Variants in SENP6 observed in about 807,000 individuals in gnomAD.
SENP6 encodes sentrin-specific protease 6.
A neutral mutation model predicts 134.5 loss-of-function variants in SENP6; 41 were observed. That is an observed-to-expected ratio of 0.30 (90% CI 0.24 to 0.40). The LOEUF (loss-of-function observed/expected upper bound fraction) is 0.40, where lower values mean the gene tolerates loss of function less well. SENP6 is among the 10% of genes least tolerant of loss of function. The pLI is 1.00. For missense variants in SENP6, 1,248 were observed against 1,312.5 expected (o/e 0.95, Z 0.76); for synonymous variants, 395 against 429.8 (o/e 0.92, Z 1.00).
At chr6:75,637,232 T>C (rs538419583) in intron 5 of SENP6, among the ~76,000 whole-genome samples, 1 of 152,258 alleles carries the variant, frequency 6.6e-6, no homozygotes, top group African/African-American at 2.4e-5. Context: ...AATTCATACA[T>C]AGTGTATTCT....
chr6:75,625,334 T>C (rs902625161), intron 3 of SENP6, among the ~76,000 whole-genome samples: 1 of 151,944 alleles, frequency 6.6e-6, no homozygotes, highest in Non-Finnish European at 1.5e-5. Context: ...AGACTGGTCA[T>C]GAACTCCTGG....
chr6:75,659,249 C>T lies in SENP6; in HGVS notation c.551-13C>T, dbSNP rs1484902833. On this transcript the variant is annotated splice_polypyrimidine_tract_variant and intron_variant, in intron 7 of 23. Transcript: ENST00000447266. ...ACTAAAACTTAAAGTTTATTTTTTT[C>T]TCCTTCCTTTAGAACGTATAATGAA... The T allele has an allele frequency of 6.4e-7, 1 of 1,568,948 alleles. No homozygotes were observed. Among genetic ancestry groups the T allele is most frequent in the Admixed American group, 2.1e-5 (1 of 47,338 alleles).
chr6:75,640,816 T>C, intron 6 of SENP6, 112 bp downstream of exon 6: 1 of 621,004 alleles, frequency 1.6e-6, no homozygotes, highest in Non-Finnish European at 2.6e-6. Context: ...AAGCTTTTTT[T>C]AATTTTAAAG....
chr6:75,634,970 T>C (rs1282094379), intron 5 of SENP6, 159 bp downstream of exon 5: 1 of 685,510 alleles, frequency 1.5e-6, no homozygotes, highest in Admixed American at 2.1e-5. Context: ...AATTATACTA[T>C]TTTATATCTG....
At chr6:75,612,171 A>G (rs1767501344) in intron 1 of SENP6, among the ~76,000 whole-genome samples, 1 of 152,110 alleles carries the variant, frequency 6.6e-6, no homozygotes, top group Non-Finnish European at 1.5e-5. Flanking sequence ...TGCAGTCTAA[A>G]GACCTCTTCA....
rs911937390 is a variant in SENP6 at position 75,631,216 on chromosome 6, C to G, written c.208-2365C>G. Among the ~76,000 whole-genome samples, 3 of 152,228 alleles carry G rather than the reference C, an allele frequency of 2.0e-5. No individual in the cohort carries two copies. In the East Asian group the frequency reaches 5.8e-4, roughly 29 times the overall value. ...GGTTTCTATTAGGTTCTCTTATTAT[C>G]TGATATTCTTCGGTGCTAAACTTCC... On this transcript the variant is annotated intron_variant, in intron 3 of 23. Coordinates refer to ENST00000447266, the MANE Select transcript of SENP6 (RefSeq NM_015571.4).
rs1775983115 is a variant in SENP6, at chr6:75,715,565, GAAC to G, written c.3313_3315del (p.Gln1105del). 1.2e-6 allele frequency: 2 copies of G among 1,612,414 alleles called. No homozygotes were observed. Among genetic ancestry groups the G allele is most frequent in the African/African-American group, 2.7e-5 (2 of 74,830 alleles). On this transcript the variant is annotated inframe_deletion, in exon 24 of 24. Transcript: ENST00000447266. ...AGAAGCACCTTTAGGCGAAGGAACAGAACAATATGTCAATAGTATCTCAGATTG... is the reference window on the plus strand; with the variant it reads ...AGAAGCACCTTTAGGCGAAGGAACAGAATATGTCAATAGTATCTCAGATTG...
chr6:75,636,915 C>G (rs964709123), intron 5 of SENP6, among the ~76,000 whole-genome samples: 1 of 145,536 alleles, frequency 6.9e-6, no homozygotes, highest in African/African-American at 2.5e-5. Context: ...GGGTTTTGCT[C>G]TGTTGCCCAG....
intron 5 of SENP6, among the ~76,000 whole-genome samples, chr6:75,637,367 A>G (rs1347822415): frequency 2.0e-5 from 3 of 152,208 alleles, no homozygotes; most frequent in Non-Finnish European, 4.4e-5. Context: ...CAGAATGGTG[A>G]AGTTTGTTAA....
At chr6:75,675,680 TAA>T (rs773121379) in intron 12 of SENP6, 178 bp from the exon 13 acceptor site, 98 of 791,204 alleles carry the variant, frequency 1.2e-4, no homozygotes, top group Non-Finnish European at 1.9e-4. Flanking sequence ...TTGGAAAAAA[TAA>T]AAAAGTTTCT....
chr6:75,700,419 TAAG>T (rs1226473972), intron 18 of SENP6, among the ~76,000 whole-genome samples: 1 of 152,324 alleles, frequency 6.6e-6, no homozygotes, highest in East Asian at 1.9e-4. Context: ...TAAGAAATAT[TAAG>T]AACTGTGATA....
At chr6:75,613,368 A>G (rs1582662831) in intron 1 of SENP6, among the ~76,000 whole-genome samples, 1 of 152,212 alleles carries the variant, frequency 6.6e-6, no homozygotes, top group Non-Finnish European at 1.5e-5. Context: ...AACGTTGAGT[A>G]ACTGACAGGG....
Position 75,622,398 on chromosome 6 carries a change from A to G in SENP6, c.146+773A>G, listed in dbSNP as rs534729508. 4.6e-5 allele frequency among the ~76,000 whole-genome samples: 7 copies of G among 152,202 alleles called. No individual in the cohort carries two copies. In the South Asian group the frequency reaches 8.3e-4, roughly 18 times the overall value. On this transcript the variant is annotated intron_variant, in intron 2 of 23. Coordinates refer to ENST00000447266, the MANE Select transcript of SENP6 (RefSeq NM_015571.4). ...CATGGTGAGACCTCATCTCTACTAA[A>G]AATACAAAAGATTAGCTGGATGTGG...
At chr6:75,626,301 A>G (rs1362716000) in intron 3 of SENP6, among the ~76,000 whole-genome samples, 1 of 151,882 alleles carries the variant, frequency 6.6e-6, no homozygotes, top group African/African-American at 2.4e-5. Flanking sequence ...TTTTTTCCCT[A>G]TAAGTGACTT....
At position 75,603,297 on chromosome 6, in the gene SENP6, G is replaced by A. The variant is rs185757315; in HGVS notation, c.52+721G>A. Among the ~76,000 whole-genome samples, 22 of 152,286 alleles carry A rather than the reference G, an allele frequency of 1.4e-4. No homozygotes were observed. The East Asian group carries it at 3.9e-3, about 27-fold the overall frequency. ...AGAAAAGCTGTATGTTTTTGTTGGG[G>A]AAGGTGGTAATGGGGAACAATATTG... On this transcript the variant is annotated intron_variant, in intron 1 of 23. Transcript: ENST00000447266.
At chr6:75,654,045 G>A (rs1437744904) in intron 7 of SENP6, among the ~76,000 whole-genome samples, 1 of 152,210 alleles carries the variant, frequency 6.6e-6, no homozygotes, top group Non-Finnish European at 1.5e-5. Context: ...CCAGCATAGT[G>A]AGACCCTGTC....
chr6:75,711,461 A>G, intron 21 of SENP6, 45 bp downstream of exon 21: 2 of 1,283,998 alleles, frequency 1.6e-6, no homozygotes, highest in East Asian at 2.4e-5. Flanking sequence ...ATTTTTAAGT[A>G]TGCTCATAAA....
At chr6:75,704,950 A>G (rs111862428) in intron 19 of SENP6, among the ~76,000 whole-genome samples, 2,581 of 152,300 alleles carry the variant, frequency 0.017, 75 homozygotes, top group African/African-American at 0.06. Flanking sequence ...TTTGGGGCAA[A>G]GAGGTTAGGG....
intron 5 of SENP6, among the ~76,000 whole-genome samples, chr6:75,638,937 A>G (rs375775760): frequency 6.6e-6 from 1 of 152,038 alleles, no homozygotes; most frequent in African/African-American, 2.4e-5. Flanking sequence ...GCACACTTGT[A>G]GTCCCAGCTG....
Sources: allele counts gnomAD v4.1 joint callset (sites outside exome capture counted in the v4.1 genomes callset), GRCh38; gene constraint gnomAD v4.1.1; transcripts MANE v1.5; gene names NCBI Gene and HGNC (gene_info 2026-07-23, HGNC 2026-07-21).